PBX4: variants seen among roughly 807,000 people sequenced by gnomAD.
PBX4 encodes PBX homeobox 4, also known as pre-B-cell leukemia transcription factor 4.
In PBX4, 26 loss-of-function variants were observed where a neutral mutation model predicts 35.1. That is an observed-to-expected ratio of 0.74 (90% confidence interval 0.54 to 1.03). The LOEUF (loss-of-function observed/expected upper bound fraction) is 1.03, where lower values mean the gene tolerates loss of function less well. PBX4 is among the 50% of genes least tolerant of loss of function. The pLI is 0.00. For synonymous variants in PBX4, 199 were observed against 204.2 expected, an observed-to-expected ratio of 0.97 and a Z score of 0.22; for missense variants, 448 against 504.3, an observed-to-expected ratio of 0.89 and a Z score of 1.07.
chr19:19,603,754 C>T (rs886227921), intron 1 of PBX4, among the ~76,000 whole-genome samples: 1 of 151,784 alleles, frequency 6.6e-6, no homozygotes, highest in East Asian at 1.9e-4. Flanking sequence ...GTCAGGAGTT[C>T]GAGACCAGCC....
intron 1 of PBX4, among the ~76,000 whole-genome samples, chr19:19,601,884 A>C (rs1568395817): frequency 6.6e-6 from 1 of 152,100 alleles, no homozygotes; most frequent in Non-Finnish European, 1.5e-5. Flanking sequence ...CATGCCTGTA[A>C]TTCTAGCATT....
At chr19:19,577,825 C>T (rs1050553812) in intron 2 of PBX4, among the ~76,000 whole-genome samples, 1 of 151,318 alleles carries the variant, frequency 6.6e-6, no homozygotes, top group African/African-American at 2.4e-5. Flanking sequence ...CGCCAGTGCA[C>T]TCCAGCCTGG....
chr19:19,566,298 C>A (rs1371669033), intron 5 of PBX4, among the ~76,000 whole-genome samples: 1 of 152,154 alleles, frequency 6.6e-6, no homozygotes, highest in Non-Finnish European at 1.5e-5. Context: ...TGAGCGGTAT[C>A]CTTGGCACCC....
chr19:19,567,645 G>A (rs1357342166), intron 5 of PBX4, among the ~76,000 whole-genome samples: 2 of 152,180 alleles, frequency 1.3e-5, no homozygotes, highest in African/African-American at 4.8e-5. Context: ...GCTGCCATAG[G>A]CTGCCTGGAC....
rs192865713 is a variant in PBX4, at chr19:19,568,912, G to A, written c.768+537C>T. Among the ~76,000 whole-genome samples, 432 of 152,336 alleles carry A rather than the reference G, an allele frequency of 2.8e-3. 11 individuals are homozygous for A. Among genetic ancestry groups the A allele is most frequent in the Admixed American group, 0.027 (412 of 15,292 alleles). ...CTCGCATTCCATCTGCATCGCTCAG[G>A]AAGTCCTCAGGTCTCTCTGTGGGTA... On this transcript the variant is annotated intron_variant, in intron 5 of 7. Coordinates refer to ENST00000251203, the MANE Select transcript of PBX4 (RefSeq NM_025245.3).
In PBX4 at chr19:19,570,215, G is replaced by A. The variant is rs761671883; in HGVS notation, c.526C>T (p.Arg176Cys). ...MRPVSPKEIE[R>C]MVGAIHGKFS... ...TTGCCGTGAATGGCGCCGACCATGCGCTCAATCTCCTTAGGGGAGACAGGC... is the reference window on the plus strand; with the variant it reads ...TTGCCGTGAATGGCGCCGACCATGCACTCAATCTCCTTAGGGGAGACAGGC... The change falls in exon 4 of 8, where the codon CGC (arginine) becomes TGC (cysteine). Residue 176 changes from arginine to cysteine, a missense_variant. Coordinates refer to ENST00000251203, the MANE Select transcript of PBX4 (RefSeq NM_025245.3). 1.4e-5 allele frequency: 23 copies of A among 1,614,004 alleles called. No homozygotes were observed. Among genetic ancestry groups the A allele is most frequent in the Middle Eastern group, 3.3e-4 (2 of 6,076 alleles).
intron 2 of PBX4, among the ~76,000 whole-genome samples, chr19:19,584,622 G>GT (rs1491541483): frequency 0.012 from 1,799 of 149,416 alleles, 50 homozygotes; most frequent in South Asian, 0.062. Flanking sequence ...ACCAAGGGCT[G>GT]GTTTTTTTTT....
chr19:19,580,608 A>G (rs2061447996), intron 2 of PBX4, among the ~76,000 whole-genome samples: 1 of 152,220 alleles, frequency 6.6e-6, no homozygotes, highest in Admixed American at 6.5e-5. Context: ...GAGTTCTACA[A>G]GGCATTCTGG....
chr19:19,566,728 G>C (rs1230163896), intron 5 of PBX4, among the ~76,000 whole-genome samples: 1 of 137,722 alleles, frequency 7.3e-6, no homozygotes, highest in Non-Finnish European at 1.5e-5. Flanking sequence ...TTCGGAGACG[G>C]AGTCTCACTC....
At chr19:19,592,205 A>G (rs1002381661) in intron 2 of PBX4, among the ~76,000 whole-genome samples, 3 of 152,150 alleles carry the variant, frequency 2.0e-5, no homozygotes, top group African/African-American at 7.2e-5. Context: ...CTTAAATCCA[A>G]CGCTTTCGAA....
chr19:19,584,673 T>C (rs2061477583), intron 2 of PBX4, among the ~76,000 whole-genome samples: 1 of 146,004 alleles, frequency 6.8e-6, no homozygotes, highest in African/African-American at 2.5e-5. Flanking sequence ...TTGCCTAAAC[T>C]GGAGTGCAGT....
At chr19:19,608,998 A>G (rs1025247455) in intron 1 of PBX4, among the ~76,000 whole-genome samples, 12 of 152,236 alleles carry the variant, frequency 7.9e-5, no homozygotes, top group Admixed American at 7.9e-4. Context: ...TTTATTGAGT[A>G]GATGACATTT....
intron 1 of PBX4, among the ~76,000 whole-genome samples, chr19:19,609,745 G>C (rs2061652781): frequency 6.6e-6 from 1 of 152,080 alleles, no homozygotes; most frequent in African/African-American, 2.4e-5. Flanking sequence ...CAGCTACTCG[G>C]GAGGCTGAGG....
intron 2 of PBX4, among the ~76,000 whole-genome samples, chr19:19,595,853 G>A (rs1402385039): frequency 6.6e-6 from 1 of 152,194 alleles, no homozygotes; most frequent in Non-Finnish European, 1.5e-5. Flanking sequence ...AGGACAACAG[G>A]AGCAGGCTCT....
intron 2 of PBX4, among the ~76,000 whole-genome samples, chr19:19,572,195 C>G (rs1372539338): frequency 6.6e-6 from 1 of 150,490 alleles, no homozygotes; most frequent in Non-Finnish European, 1.5e-5. Flanking sequence ...CTGCCTCAGC[C>G]TCCCGAGTAG....
rs191385716 is a variant in PBX4 at position 19,563,848 on chromosome 19, C to G, written c.926-233G>C. ...TTTTTAAGACAGTCTCGCTCTGTCA[C>G]CCAGGCTTGAGTGCAGTGGCACGAT... is the stretch of plus-strand genomic sequence containing the variant. On this transcript the variant is annotated intron_variant, in intron 6 of 7. Coordinates refer to ENST00000251203, the MANE Select transcript of PBX4 (RefSeq NM_025245.3). This position sits in a 1 kb window ranked among gnomAD's most constrained non-coding sequence, Gnocchi z 5.1. 129 of 414,214 alleles carry G rather than the reference C, an allele frequency of 3.1e-4. No homozygotes were observed. Among genetic ancestry groups the G allele is most frequent in the Non-Finnish European group, 5.2e-4 (115 of 220,402 alleles). 25.7% of individuals were successfully genotyped at this position (414,214 alleles called of 1,614,324 possible).
intron 2 of PBX4, among the ~76,000 whole-genome samples, chr19:19,584,106 T>A (rs2061473812): frequency 6.6e-6 from 1 of 151,454 alleles, no homozygotes; most frequent in Admixed American, 6.6e-5. Flanking sequence ...GGTGTAGTGG[T>A]GCACACCTGT....
chr19:19,584,514 C>T (rs1435093581), intron 2 of PBX4, among the ~76,000 whole-genome samples: 1 of 152,066 alleles, frequency 6.6e-6, no homozygotes, highest in Non-Finnish European at 1.5e-5. Context: ...GAAGGGTGTC[C>T]CTACAGCTGG....
intron 5 of PBX4, among the ~76,000 whole-genome samples, chr19:19,568,236 T>A (rs1568378373): frequency 7.2e-6 from 1 of 139,422 alleles, no homozygotes; most frequent in Non-Finnish European, 1.5e-5. Flanking sequence ...TCCATCTGTA[T>A]CCCTCAGGGA....
Sources: gnomAD v4.1 joint callset for allele counts (sites outside exome capture counted in the v4.1 genomes callset) on GRCh38, gnomAD v4.1.1 for gene constraint, Gnocchi (gnomAD v3.1) non-coding constraint, MANE v1.5 for transcripts, NCBI Gene and HGNC (gene_info 2026-07-23, HGNC 2026-07-21) for gene names.